EDIL3: variants seen among roughly 807,000 people sequenced by gnomAD.
The protein encoded by EDIL3 is EGF-like repeat and discoidin I-like domain-containing protein 3.
EDIL3 carries 37 observed loss-of-function variants against 67.4 expected under a neutral mutation model. The ratio of observed to expected loss-of-function variants is 0.55; its 90% confidence interval spans 0.42 to 0.72. EDIL3 has a LOEUF of 0.72. EDIL3 is among the 30% of genes least tolerant of loss of function. The pLI, the probability that EDIL3 is intolerant of heterozygous loss-of-function variation, is 0.00. For missense variants in EDIL3, 527 were observed against 586.3 expected (o/e 0.90, Z 1.04); for synonymous variants, 195 against 196.3 (o/e 0.99, Z 0.05).
At chr5:83,975,929 T>C (rs547586230) in intron 9 of EDIL3, among the ~76,000 whole-genome samples, 15 of 152,066 alleles carry the variant, frequency 9.9e-5, no homozygotes, top group African/African-American at 3.6e-4. Context: ...TAAAAGAGGT[T>C]ATTTTGACAT....
chr5:84,300,017 A>G lies in EDIL3; in HGVS notation c.68-45805T>C, dbSNP rs574598756. Among the ~76,000 whole-genome samples the G allele has an allele frequency of 2.0e-5, 3 of 152,338 alleles. No homozygotes were observed. In the East Asian group the frequency reaches 5.8e-4, roughly 29 times the overall value. ...AGTATTAGTTTTCTAATGCTGTCAT[A>G]TCAAATTATCATGAACTGACTGGCT... On this transcript the variant is annotated intron_variant, in intron 1 of 10. Coordinates refer to ENST00000296591, the MANE Select transcript of EDIL3 (RefSeq NM_005711.5).
rs76803356 is a variant in EDIL3, at chr5:84,298,968, G to T, written c.68-44756C>A. Reference sequence around the variant, plus strand: ...TAGGCCACCTCACATAGCCTCATTTGCGAGCTGCTTACTGACTGCTCTAAC... The same window carrying T: ...TAGGCCACCTCACATAGCCTCATTTTCGAGCTGCTTACTGACTGCTCTAAC... On this transcript the variant is annotated intron_variant, in intron 1 of 10. Coordinates refer to ENST00000296591, the MANE Select transcript of EDIL3 (RefSeq NM_005711.5). 2.0e-3 allele frequency among the ~76,000 whole-genome samples: 309 copies of T among 152,192 alleles called. 2 individuals carry two copies. The highest frequency in any genetic ancestry group is 7.1e-3 in the African/African-American group (296 of 41,536).
rs371428722 is a variant in EDIL3, at chr5:84,172,126, C to A, written c.355+8267G>T. ...GGTGTCTCACACTGACCGGCAAAGC[C>A]ATTGGAAAGCAGGAAAATTTCTCGA... On this transcript the variant is annotated intron_variant, in intron 4 of 10. Coordinates refer to ENST00000296591, the MANE Select transcript of EDIL3 (RefSeq NM_005711.5). Among the ~76,000 whole-genome samples the A allele has an allele frequency of 1.8e-4, 28 of 152,226 alleles. No individual in the cohort carries two copies. In the East Asian group the frequency reaches 2.9e-3, roughly 16 times the overall value.
chr5:84,179,808 A>G (rs1748983800), intron 4 of EDIL3, among the ~76,000 whole-genome samples: 1 of 152,062 alleles, frequency 6.6e-6, no homozygotes, highest in African/African-American at 2.4e-5. Context: ...TTTGACATTT[A>G]TGTTCACCCC....
intron 3 of EDIL3, among the ~76,000 whole-genome samples, chr5:84,210,621 T>C (rs1246008325): frequency 1.3e-5 from 2 of 152,170 alleles, no homozygotes; most frequent in Non-Finnish European, 2.9e-5. Context: ...ATATAAATTA[T>C]AGTTCCTGCC....
intron 9 of EDIL3, among the ~76,000 whole-genome samples, chr5:84,034,831 C>T (rs369332432): frequency 4.7e-4 from 72 of 152,218 alleles, no homozygotes; most frequent in African/African-American, 1.7e-3. Flanking sequence ...TATTTTACCT[C>T]CTCACCCCTG....
At chr5:84,339,724 T>C (rs1747061121) in intron 1 of EDIL3, among the ~76,000 whole-genome samples, 1 of 152,124 alleles carries the variant, frequency 6.6e-6, no homozygotes, top group Non-Finnish European at 1.5e-5. Flanking sequence ...ATGGACCTAT[T>C]CATGCTCTCT....
intron 3 of EDIL3, among the ~76,000 whole-genome samples, chr5:84,228,320 T>A (rs1196823561): frequency 6.6e-6 from 1 of 152,074 alleles, no homozygotes; most frequent in Non-Finnish European, 1.5e-5. Context: ...AGTATATGGG[T>A]TGTCTGTATA....
At chr5:84,187,065 G>A (rs180946070) in intron 3 of EDIL3, among the ~76,000 whole-genome samples, 3 of 152,150 alleles carry the variant, frequency 2.0e-5, no homozygotes, top group Admixed American at 1.3e-4. Context: ...CAAGATACAA[G>A]AGGCTTTAGG....
chr5:83,997,386 T>C (rs111464664), intron 9 of EDIL3, among the ~76,000 whole-genome samples: 1 of 152,096 alleles, frequency 6.6e-6, no homozygotes, highest in Admixed American at 6.6e-5. Context: ...ACATTAAAAA[T>C]TTGAGAAGAC....
intron 6 of EDIL3, among the ~76,000 whole-genome samples, chr5:84,100,821 G>A (rs189245401): frequency 1.4e-4 from 21 of 152,092 alleles, no homozygotes; most frequent in African/African-American, 4.8e-4. Flanking sequence ...ATTTCAGTCT[G>A]AAAAATTCAG....
intron 9 of EDIL3, among the ~76,000 whole-genome samples, chr5:84,030,010 T>G (rs181865523): frequency 6.6e-6 from 1 of 152,294 alleles, no homozygotes; most frequent in Admixed American, 6.5e-5. Flanking sequence ...GTTATCTGAT[T>G]GAAATTATCT....
intron 10 of EDIL3, 59 bp from the exon 11 acceptor site, chr5:83,943,627 T>C: frequency 6.3e-7 from 1 of 1,583,264 alleles, no homozygotes; most frequent in Non-Finnish European, 8.6e-7. Flanking sequence ...GAAATTATTT[T>C]TATGTTCCTG....
At chr5:84,357,663 T>C (rs1580099093) in intron 1 of EDIL3, among the ~76,000 whole-genome samples, 1 of 151,830 alleles carries the variant, frequency 6.6e-6, no homozygotes, top group Non-Finnish European at 1.5e-5. Flanking sequence ...CTGAGGCAGG[T>C]GGATCACTTG....
chr5:84,217,028 T>A (rs1744238775), intron 3 of EDIL3, among the ~76,000 whole-genome samples: 1 of 151,874 alleles, frequency 6.6e-6, no homozygotes, highest in African/African-American at 2.4e-5. Context: ...ATCTTATCCA[T>A]CCTATCCAGA....
At chr5:84,109,893 A>G (rs541499907) in intron 5 of EDIL3, among the ~76,000 whole-genome samples, 1 of 152,316 alleles carries the variant, frequency 6.6e-6, no homozygotes, top group South Asian at 2.1e-4. Context: ...AATCGGGGTT[A>G]TGATGACACT....
chr5:84,192,453 T>C (rs539820484), intron 3 of EDIL3, among the ~76,000 whole-genome samples: 10 of 152,152 alleles, frequency 6.6e-5, no homozygotes, highest in African/African-American at 2.4e-4. Context: ...TTTGCTCAAA[T>C]GACTCTGCAG....
At chr5:84,374,693 A>C (rs565602937) in intron 1 of EDIL3, among the ~76,000 whole-genome samples, 1 of 152,144 alleles carries the variant, frequency 6.6e-6, no homozygotes, top group Admixed American at 6.5e-5. Flanking sequence ...GTAATCCCCA[A>C]GTGTCCAAGG....
intron 3 of EDIL3, among the ~76,000 whole-genome samples, chr5:84,182,225 G>A (rs940519910): frequency 4.6e-5 from 7 of 151,546 alleles, no homozygotes; most frequent in South Asian, 2.1e-4. Context: ...CCAGGAGTTC[G>A]AGACAAGCCT....
Sources: allele counts gnomAD v4.1 joint callset (sites outside exome capture counted in the v4.1 genomes callset), GRCh38; gene constraint gnomAD v4.1.1; transcripts MANE v1.5; gene names NCBI Gene and HGNC (gene_info 2026-07-23, HGNC 2026-07-21).